KANK1: variants seen among roughly 807,000 people sequenced by gnomAD.
KANK1 encodes KN motif and ankyrin repeat domain-containing protein 1.
In KANK1, 109 loss-of-function variants were observed where a neutral mutation model predicts 106.2. The observed-to-expected ratio is 1.03, with a 90% confidence interval of 0.88 to 1.20. The LOEUF (loss-of-function observed/expected upper bound fraction) is 1.20. KANK1 is among the 50% of genes most tolerant of loss of function. KANK1 has a pLI of 0.00. For missense variants in KANK1, 2,399 were observed against 1,710.7 expected (o/e 1.40, Z -7.10); for synonymous variants, 873 against 652.2 (o/e 1.34, Z -5.16).
chr9:590,878 T>C (rs1342754733), intron 1 of KANK1, among the ~76,000 whole-genome samples: 2 of 151,870 alleles, frequency 1.3e-5, no homozygotes, highest in Non-Finnish European at 2.9e-5. Context: ...TATTTTCTTA[T>C]AAAATTAGGA....
Position 628,097 on chromosome 9 carries a change from C to A in KANK1, c.-83-48793C>A, listed in dbSNP as rs1834791490. On this transcript the variant is annotated intron_variant, in intron 1 of 11. Coordinates refer to ENST00000382297, the MANE Select transcript of KANK1 (RefSeq NM_015158.5). ...TTGCTTATTTCATTTCCTCAGTAAT[C>A]CTAGAGAGTATTTCCTGCATCTTAT... 2.0e-5 allele frequency among the ~76,000 whole-genome samples: 3 copies of A among 152,296 alleles called. No individual in the cohort carries two copies. In the South Asian group the frequency reaches 6.2e-4, roughly 32 times the overall value.
At chr9:741,384 A>G (rs1274710072) in intron 9 of KANK1, among the ~76,000 whole-genome samples, 1 of 149,022 alleles carries the variant, frequency 6.7e-6, no homozygotes, top group Non-Finnish European at 1.5e-5. Flanking sequence ...CAGTGGCGGG[A>G]TCTTGGCTCA....
chr9:706,544 G>A (rs896674097), intron 2 of KANK1, among the ~76,000 whole-genome samples: 8 of 138,690 alleles, frequency 5.8e-5, no homozygotes, highest in Admixed American at 2.9e-4. Flanking sequence ...CTTTTTTTAC[G>A]TTCTTTAAAT....
chr9:738,429 G>T lies in KANK1; in HGVS notation c.3478G>T (p.Gly1160Cys). The T allele has an allele frequency of 6.2e-6, 10 of 1,614,048 alleles. No homozygotes were observed. The highest frequency in any genetic ancestry group is 8.5e-6 in the Non-Finnish European group (10 of 1,180,008). Residue 1160 changes from glycine (G) to cysteine (C), a missense_variant, in exon 8 of 12, where the codon GGC becomes TGC. Gly to Cys is a radical substitution (Grantham distance 159, BLOSUM62 -3). Transcript: ENST00000382297. ...VLRYVINLADGNGNTALHYSV... is the reference protein window; with the variant it reads ...VLRYVINLADCNGNTALHYSV... ...CCGCTATGTCATCAACTTGGCAGAC[G>T]GCAACGGCAACACAGCCCTCCATTA...
chr9:654,212 A>G (rs189521981), intron 1 of KANK1, among the ~76,000 whole-genome samples: 1 of 152,232 alleles, frequency 6.6e-6, no homozygotes, highest in East Asian at 1.9e-4. Context: ...TGTGGGGCCC[A>G]AGCATTTCTA....
chr9:646,320 G>A (rs1315406874), intron 1 of KANK1, among the ~76,000 whole-genome samples: 1 of 150,294 alleles, frequency 6.7e-6, no homozygotes, highest in Admixed American at 6.6e-5. Context: ...AACATAGCAA[G>A]ACCTATATCT....
At chr9:744,724 G>A in intron 11 of KANK1, 135 bp downstream of exon 11, 1 of 1,555,520 alleles carries the variant, frequency 6.4e-7, no homozygotes, top group Non-Finnish European at 8.7e-7. Context: ...GAGCTTAAGA[G>A]TTCATCCTTT....
At chr9:722,946 A>G (rs2885163) in intron 3 of KANK1, among the ~76,000 whole-genome samples, 9,372 of 152,266 alleles carry the variant, frequency 0.062, 661 homozygotes, top group East Asian at 0.18. Context: ...CTACAGGACA[A>G]TGATGGGGAA....
intron 1 of KANK1, among the ~76,000 whole-genome samples, chr9:526,130 T>G (rs1370504226): frequency 6.6e-6 from 1 of 151,730 alleles, no homozygotes; most frequent in East Asian, 1.9e-4. Flanking sequence ...TCTTAGTCAC[T>G]TTACAATTAT....
intron 1 of KANK1, among the ~76,000 whole-genome samples, chr9:664,908 C>T (rs1267524468): frequency 1.3e-5 from 2 of 152,100 alleles, no homozygotes; most frequent in East Asian, 3.9e-4. Context: ...TTTTGATTTG[C>T]ATTTTCTGGA....
intron 1 of KANK1, among the ~76,000 whole-genome samples, chr9:628,507 C>T (rs1339740223): frequency 6.6e-6 from 1 of 152,176 alleles, no homozygotes; most frequent in Non-Finnish European, 1.5e-5. Context: ...TTCATTTCTT[C>T]AGTGTCTGCC....
chr9:709,367 A>T (rs749032060), intron 2 of KANK1, among the ~76,000 whole-genome samples: 9 of 152,182 alleles, frequency 5.9e-5, no homozygotes, highest in Non-Finnish European at 1.3e-4. Flanking sequence ...GGAGGTAGTC[A>T]GGAGCTGAGT....
intron 1 of KANK1, among the ~76,000 whole-genome samples, chr9:612,269 CTG>C (rs971987512): frequency 2.6e-5 from 4 of 152,078 alleles, no homozygotes; most frequent in African/African-American, 9.7e-5. Flanking sequence ...TTTTTGCAAT[CTG>C]TGTTTTTTTA....
rs1452202554 is a variant in KANK1, at chr9:514,130, CCCTCCCTCCCTCCCTT to C, written c.-84+9381_-84+9396del. On this transcript the variant is annotated intron_variant, in intron 1 of 11. Coordinates refer to ENST00000382297, the MANE Select transcript of KANK1 (RefSeq NM_015158.5). ...TCCCTCTCTTCCTCCCTCTCTCTCT[CCCTCCCTCCCTCCCTT>C]CCTCTCTCCCTCCCTTCCTCTCTCC... Among the ~76,000 whole-genome samples the C allele has an allele frequency of 8.6e-5, 7 of 81,012 alleles. 1 individual carries two copies. The highest frequency in any genetic ancestry group is 1.3e-4 in the Non-Finnish European group (6 of 44,522). 53.1% of individuals were successfully genotyped at this position (81,012 alleles called of 152,430 possible). A position where few individuals can be genotyped will look rare whatever the true frequency, so the allele number is the denominator to read the frequency against.
intron 3 of KANK1, among the ~76,000 whole-genome samples, chr9:713,691 G>A (rs1393514427): frequency 6.6e-6 from 1 of 152,196 alleles, no homozygotes; most frequent in African/African-American, 2.4e-5. Context: ...ACTAACGCTG[G>A]AAGAAAAGTA....
intron 3 of KANK1, among the ~76,000 whole-genome samples, chr9:722,607 A>G (rs1829642234): frequency 6.6e-6 from 1 of 152,196 alleles, no homozygotes; most frequent in Non-Finnish European, 1.5e-5. Flanking sequence ...TCAAGTTCAG[A>G]GAATTGTTTA....
chr9:725,496 C>CAAAAAA (rs34245303), intron 3 of KANK1, among the ~76,000 whole-genome samples: 20 of 116,840 alleles, frequency 1.7e-4, no homozygotes, highest in African/African-American at 3.8e-4. Flanking sequence ...GACTCTGTCT[C>CAAAAAA]AAAAAAAAAA....
chr9:512,249 G>GTGTGTGTGTA (rs370159663), intron 1 of KANK1, among the ~76,000 whole-genome samples: 3 of 149,506 alleles, frequency 2.0e-5, no homozygotes, highest in African/African-American at 7.5e-5. Flanking sequence ...GTGTGTGTGT[G>GTGTGTGTGTA]TATGTATATA....
rs1411473487 is a variant in KANK1, at chr9:745,182, A to C, written c.4006A>C (p.Arg1336=). The part of the protein sequence containing the change: ...FAKAQSPGTP[R]LGRKTSPGPT... ...CTTTCCTGGTCTCTAGGGCACCCCT[A>C]GGCTTGGAAGGAAGACGTCTCCTGG... Residue 1336 remains arginine (R), a synonymous_variant, in exon 12 of 12, where the codon AGG becomes CGG. Coordinates refer to ENST00000382297, the MANE Select transcript of KANK1 (RefSeq NM_015158.5). The C allele has an allele frequency of 1.2e-6, 2 of 1,614,036 alleles. No homozygotes were observed. The highest frequency in any genetic ancestry group is 1.7e-6 in the Non-Finnish European group (2 of 1,179,968).
Sources: allele counts gnomAD v4.1 joint callset (sites outside exome capture counted in the v4.1 genomes callset), GRCh38; gene constraint gnomAD v4.1.1; transcripts MANE v1.5; gene names NCBI Gene and HGNC (gene_info 2026-07-23, HGNC 2026-07-21).